HMGB1: variants seen among roughly 807,000 people sequenced by gnomAD.
The protein encoded by HMGB1 is high mobility group box 1.
For missense variants in HMGB1, 79 were observed against 253.5 expected (o/e 0.31, Z 4.67); for synonymous variants, 81 against 84.0 (o/e 0.96, Z 0.19).
intron 1 of HMGB1, among the ~76,000 whole-genome samples, chr13:30,482,135 G>C (rs1302261556): frequency 6.6e-6 from 1 of 152,150 alleles, no homozygotes; most frequent in Non-Finnish European, 1.5e-5. Context: ...TTGTCACATA[G>C]GTTAATATTT....
chr13:30,575,781 TGACACCTGCCTGTA>T (rs1156736204), intron 1 of HMGB1, among the ~76,000 whole-genome samples: 1 of 152,174 alleles, frequency 6.6e-6, no homozygotes, highest in Non-Finnish European at 1.5e-5. Context: ...AGGTGCATGG[TGACACCTGCCTGTA>T]GTCCAGCTAT....
intron 1 of HMGB1, among the ~76,000 whole-genome samples, chr13:30,487,657 C>T (rs1038914030): frequency 2.0e-5 from 3 of 152,012 alleles, no homozygotes; most frequent in Non-Finnish European, 4.4e-5. Flanking sequence ...AAAAAGCTGC[C>T]GTATCTATTT....
intron 1 of HMGB1, among the ~76,000 whole-genome samples, chr13:30,531,374 A>T (rs1427955383): frequency 6.6e-6 from 1 of 152,212 alleles, no homozygotes; most frequent in Non-Finnish European, 1.5e-5. Flanking sequence ...GAGGGTATGT[A>T]TTCACACAGA....
In HMGB1 at chr13:30,457,266, AGT is replaced by A. The variant is rs1193541364; in HGVS notation, c.*4089_*4090del. Reference sequence around the variant, plus strand: ...GGCCTCCCAAAGTGCTGGGATTATAAGTGTGAGCCACTGTGCCTGGCTTTCCA... The same window carrying A: ...GGCCTCCCAAAGTGCTGGGATTATAAGTGAGCCACTGTGCCTGGCTTTCCA... On this transcript the variant is annotated 3_prime_UTR_variant, in exon 5 of 5. Coordinates refer to ENST00000341423, the MANE Select transcript of HMGB1 (RefSeq NM_002128.7). The A allele has an allele frequency of 6.6e-6, 1 of 152,250 alleles. No individual in the cohort carries two copies. Among genetic ancestry groups the A allele is most frequent in the Admixed American group, 6.5e-5 (1 of 15,270 alleles). 9.4% of individuals were successfully genotyped at this position (152,250 alleles called of 1,614,324 possible).
chr13:30,597,758 T>C, intron 1 of HMGB1, among the ~76,000 whole-genome samples: 1 of 152,330 alleles, frequency 6.6e-6, no homozygotes, highest in Admixed American at 6.5e-5. Context: ...ACATTTTTTT[T>C]TTATAACTCC....
intron 1 of HMGB1, chr13:30,464,066 C>T: frequency 1.0e-6 from 1 of 976,212 alleles, no homozygotes; most frequent in Non-Finnish European, 1.2e-6. Context: ...AGAAAACATG[C>T]TGCCAATTCG....
At chr13:30,462,776 G>C in intron 3 of HMGB1, 64 bp from the exon 4 acceptor site, 4 of 1,336,184 alleles carry the variant, frequency 3.0e-6, no homozygotes, top group Non-Finnish European at 4.3e-6. Flanking sequence ...ACTATCAAGT[G>C]TACACTGCAT....
chr13:30,483,242 T>C (rs1489880619), intron 1 of HMGB1, among the ~76,000 whole-genome samples: 1 of 152,146 alleles, frequency 6.6e-6, no homozygotes, highest in Admixed American at 6.5e-5. Flanking sequence ...CACCAGGGCT[T>C]GGAAGCCTGG....
chr13:30,580,062 C>T (rs568210728), intron 1 of HMGB1, among the ~76,000 whole-genome samples: 2 of 152,134 alleles, frequency 1.3e-5, no homozygotes, highest in East Asian at 1.9e-4. Context: ...TCTCCTAAAC[C>T]ACAACTTTAT....
chr13:30,510,596 A>T (rs1887970830), intron 1 of HMGB1, among the ~76,000 whole-genome samples: 1 of 151,940 alleles, frequency 6.6e-6, no homozygotes, highest in Admixed American at 6.6e-5. Flanking sequence ...CCAGAGGCTC[A>T]TCACTCAGTT....
intron 1 of HMGB1, among the ~76,000 whole-genome samples, chr13:30,609,644 T>A (rs954628122): frequency 6.6e-6 from 1 of 152,196 alleles, no homozygotes; most frequent in African/African-American, 2.4e-5. Flanking sequence ...TTTGGTTACA[T>A]GGATAAGTTC....
chr13:30,490,026 CAAAAA>C (rs780306690), intron 1 of HMGB1, among the ~76,000 whole-genome samples: 1 of 65,632 alleles, frequency 1.5e-5, no homozygotes, highest in Non-Finnish European at 3.0e-5. Flanking sequence ...GCGCTGGTCT[CAAAAA>C]AAAAAAAAAA....
intron 1 of HMGB1, among the ~76,000 whole-genome samples, chr13:30,604,635 A>C (rs977975615): frequency 6.6e-6 from 1 of 152,156 alleles, no homozygotes; most frequent in Admixed American, 6.5e-5. Context: ...AGAGCTGGAG[A>C]AGTGCTTAGC....
At chr13:30,613,895 G>GA (rs894037628) in intron 1 of HMGB1, among the ~76,000 whole-genome samples, 1,607 of 144,526 alleles carry the variant, frequency 0.011, 19 homozygotes, top group African/African-American at 0.032. Context: ...TAAAGATCTG[G>GA]AAAAAAAAAA....
chr13:30,610,231 T>C (rs1162880385), intron 1 of HMGB1, among the ~76,000 whole-genome samples: 2 of 152,236 alleles, frequency 1.3e-5, no homozygotes, highest in East Asian at 3.8e-4. Flanking sequence ...CTACGTTTTT[T>C]GGGCAGTCAA....
At chr13:30,502,482 T>C (rs1887754873) in intron 1 of HMGB1, among the ~76,000 whole-genome samples, 1 of 152,128 alleles carries the variant, frequency 6.6e-6, no homozygotes, top group Admixed American at 6.6e-5. Context: ...TAGAAAACCT[T>C]ACATAGGATT....
chr13:30,534,559 C>T (rs1173473295), intron 1 of HMGB1, among the ~76,000 whole-genome samples: 1 of 150,458 alleles, frequency 6.6e-6, no homozygotes, highest in Non-Finnish European at 1.5e-5. Flanking sequence ...TCATCCTTAT[C>T]TTACTCTTTT....
intron 1 of HMGB1, among the ~76,000 whole-genome samples, chr13:30,492,028 C>T (rs185511926): frequency 2.6e-5 from 4 of 152,060 alleles, no homozygotes; most frequent in Non-Finnish European, 4.4e-5. Context: ...ATTAGCCAGG[C>T]GTGGTAGTAT....
Position 30,591,507 on chromosome 13 carries a change from A to G in HMGB1, c.-15+25164T>C, listed in dbSNP as rs1871368912. On this transcript the variant is annotated intron_variant, in intron 1 of 4. Transcript: ENST00000405805. Reference sequence around the variant, plus strand: ...CTAAGCTCTGTAAAGAGCACCAGGGATTTTTTTTTTTTTTTTCTTTTTGAA... The same window carrying G: ...CTAAGCTCTGTAAAGAGCACCAGGGGTTTTTTTTTTTTTTTTCTTTTTGAA... 5.0e-5 allele frequency among the ~76,000 whole-genome samples: 7 copies of G among 139,814 alleles called. 1 individual carries two copies. In the South Asian group the frequency reaches 1.6e-3, roughly 32 times the overall value. The allele number at this position is 139,814 out of a possible 152,430, so 91.7% of individuals were successfully genotyped here. A position where few individuals can be genotyped will look rare whatever the true frequency, so the allele number is the denominator to read the frequency against.
Sources: allele counts gnomAD v4.1 joint callset (sites outside exome capture counted in the v4.1 genomes callset), GRCh38; gene constraint gnomAD v4.1.1; transcripts MANE v1.5; gene names NCBI Gene and HGNC (gene_info 2026-07-23, HGNC 2026-07-21).